Variants in VGLL4 observed in about 807,000 individuals in gnomAD.
VGLL4 encodes the protein transcription cofactor vestigial-like protein 4.
VGLL4 carries 7 observed loss-of-function variants against 21.0 expected under a neutral mutation model. That is an observed-to-expected ratio of 0.33 (90% CI 0.19 to 0.63). The LOEUF is 0.63. Ranked by LOEUF, VGLL4 falls within the 20% of genes least tolerant of loss-of-function variation. VGLL4 has a pLI of 0.78. For synonymous variants in VGLL4, 222 were observed against 173.2 expected (o/e 1.28, Z -2.21); for missense variants, 394 against 425.7 (o/e 0.93, Z 0.66).
chr3:11,651,228 A>G (rs1160096753), intron 2 of VGLL4, among the ~76,000 whole-genome samples: 2 of 151,862 alleles, frequency 1.3e-5, no homozygotes, highest in Non-Finnish European at 2.9e-5. Flanking sequence ...CTATAATCCC[A>G]GCTACTTGGG....
At chr3:11,566,294 AAAC>A (rs1300566430) in intron 2 of VGLL4, among the ~76,000 whole-genome samples, 31 of 152,218 alleles carry the variant, frequency 2.0e-4, no homozygotes, top group Non-Finnish European at 5.9e-5. Flanking sequence ...CAGTTGTAAG[AAAC>A]AACACACGGC....
At position 11,694,391 on chromosome 3, in the gene VGLL4, C is replaced by T. The variant is rs377575327; in HGVS notation, c.64+8580G>A. Among the ~76,000 whole-genome samples the T allele has an allele frequency of 1.2e-4, 19 of 152,212 alleles. No individual in the cohort carries two copies. In the South Asian group the frequency reaches 2.9e-3, roughly 23 times the overall value. On this transcript the variant is annotated intron_variant, in intron 2 of 5. Coordinates refer to the VGLL4 transcript ENST00000273038. ...ATCCCAGCACTTTGGGAGGCCAAGGCGGGTAGATCACTTGAGGTTAGGAGT... is the reference window on the plus strand; with the variant it reads ...ATCCCAGCACTTTGGGAGGCCAAGGTGGGTAGATCACTTGAGGTTAGGAGT...
upstream of VGLL4, among the ~76,000 whole-genome samples, chr3:11,644,827 C>T (rs1575489642): frequency 1.8e-5 from 2 of 113,770 alleles, no homozygotes; most frequent in Non-Finnish European, 3.3e-5. Flanking sequence ...GCCTGGGCAA[C>T]AGAGTGAGAC....
intron 2 of VGLL4, among the ~76,000 whole-genome samples, chr3:11,670,730 C>T (rs1040973587): frequency 6.6e-6 from 1 of 152,086 alleles, no homozygotes; most frequent in East Asian, 1.9e-4. Flanking sequence ...TTAATGGGCA[C>T]CTGCCACATA....
intron 3 of VGLL4, among the ~76,000 whole-genome samples, chr3:11,560,261 C>G (rs539131099): frequency 2.0e-5 from 3 of 152,312 alleles, no homozygotes; most frequent in Non-Finnish European, 4.4e-5. Flanking sequence ...ATGTCTGGCC[C>G]CCCAGCTTTG....
chr3:11,558,199 G>A lies in VGLL4; in HGVS notation c.*357C>T, dbSNP rs925808876. On this transcript the variant is annotated 3_prime_UTR_variant, in exon 5 of 5. Coordinates refer to ENST00000430365, the MANE Select transcript of VGLL4 (RefSeq NM_001128219.3). ...AGAAGCAAAGGAAAAAGCACAAAGC[G>A]TCTGAGTCACCAATTCATCATGGCT... 29 of 328,236 alleles carry A rather than the reference G, an allele frequency of 8.8e-5. No homozygotes were observed. The highest frequency in any genetic ancestry group is 1.6e-4 in the South Asian group (3 of 18,832). 20.3% of individuals were successfully genotyped at this position (328,236 alleles called of 1,614,324 possible). A position where few individuals can be genotyped will look rare whatever the true frequency, so the allele number is the denominator to read the frequency against.
intron 1 of VGLL4, among the ~76,000 whole-genome samples, chr3:11,622,417 CAAA>C (rs56790337): frequency 1.5e-3 from 228 of 148,792 alleles, no homozygotes; most frequent in Middle Eastern, 0.01. Flanking sequence ...ATGGTTTTTA[CAAA>C]AAAAAAAAAA....
chr3:11,666,262 AAAAG>A (rs1270713806), intron 2 of VGLL4, among the ~76,000 whole-genome samples: 2 of 151,898 alleles, frequency 1.3e-5, no homozygotes, highest in East Asian at 1.9e-4. Flanking sequence ...AAAAAAAAAA[AAAAG>A]AAAGTTCATT....
In VGLL4 at chr3:11,565,900, C is replaced by G. The variant is rs1346376276; in HGVS notation, c.273-881G>C. On this transcript the variant is annotated intron_variant, in intron 2 of 4. Coordinates refer to ENST00000430365, the MANE Select transcript of VGLL4 (RefSeq NM_001128219.3). The surrounding 1 kb of genome is among the most constrained non-coding windows in gnomAD (Gnocchi z 4.1). ...GCTTTATTCCAGGGGTCCCACAGTT[C>G]CATCTGCCTTGGGTCTTGCCCCTTC... is the stretch of plus-strand genomic sequence containing the variant. 6.6e-6 allele frequency among the ~76,000 whole-genome samples: 1 copy of G among 152,204 alleles called. No individual in the cohort carries two copies. The highest frequency in any genetic ancestry group is 2.4e-5 in the African/African-American group (1 of 41,458).
In VGLL4 at chr3:11,558,751, C is replaced by G. The variant is rs752590399; in HGVS notation, c.696G>C (p.Pro232=). ...SLGKNYKEPE[P]APNSVSITGS... ...CCGTGATGGACACGGAGTTGGGTGC[C>G]GGCTCGGGCTCCTTGTAATTCTTGC... Residue 232 remains proline (P), a synonymous_variant, in exon 5 of 5, where the codon CCG becomes CCC. Transcript: ENST00000430365. 6.2e-7 allele frequency: 1 copy of G among 1,614,178 alleles called. No individual in the cohort carries two copies. Among genetic ancestry groups the G allele is most frequent in the South Asian group, 1.1e-5 (1 of 91,086 alleles).
intron 1 of VGLL4, among the ~76,000 whole-genome samples, chr3:11,606,984 G>C (rs1377836595): frequency 6.6e-6 from 1 of 152,132 alleles, no homozygotes; most frequent in Non-Finnish European, 1.5e-5. Flanking sequence ...CCCACCAGAA[G>C]GAACCAACTC....
chr3:11,653,595 C>G lies in VGLL4; in HGVS notation c.64+49376G>C, dbSNP rs11712789. ...TATAAATAGTGCTGCTATGAATATT[C>G]TAGTGTGTGTCTCTTATCAGCCTCG... On this transcript the variant is annotated intron_variant, in intron 2 of 5. Coordinates refer to the VGLL4 transcript ENST00000273038. This position sits in a 1 kb window ranked among gnomAD's most constrained non-coding sequence, Gnocchi z 4.2. Among the ~76,000 whole-genome samples, 5,018 of 152,240 alleles carry G rather than the reference C, an allele frequency of 0.033. 121 individuals are homozygous for G. Among genetic ancestry groups the G allele is most frequent in the Non-Finnish European group, 0.049 (3,321 of 68,022 alleles).
intron 2 of VGLL4, among the ~76,000 whole-genome samples, chr3:11,582,643 T>C (rs1339899024): frequency 6.6e-6 from 1 of 152,206 alleles, no homozygotes; most frequent in Non-Finnish European, 1.5e-5. Context: ...TTCTCCATCT[T>C]CCATAACATA....
chr3:11,674,547 G>A (rs898320098), intron 2 of VGLL4, among the ~76,000 whole-genome samples: 3 of 152,286 alleles, frequency 2.0e-5, no homozygotes, highest in Non-Finnish European at 4.4e-5. Flanking sequence ...TCTCCCCACT[G>A]TCACACAGCT....
At chr3:11,586,769 T>G (rs1478019718) in intron 2 of VGLL4, among the ~76,000 whole-genome samples, 1 of 152,220 alleles carries the variant, frequency 6.6e-6, no homozygotes, top group Non-Finnish European at 1.5e-5. Context: ...CGGCTGTATA[T>G]GACAATCGCT....
intron 1 of VGLL4, among the ~76,000 whole-genome samples, chr3:11,716,243 A>C (rs2076917031): frequency 6.7e-6 from 1 of 149,772 alleles, no homozygotes; most frequent in African/African-American, 2.5e-5. Flanking sequence ...TGGAAGTTGC[A>C]GTGAGCTGAG....
rs1011913446 is a variant in VGLL4, at chr3:11,708,978, T to C, written c.-13-5931A>G. ...ACTCAGGAGGCTGAGGCAGAACTGC[T>C]TGAACCCGGGAGACGGGGGTTGCAG... On this transcript the variant is annotated intron_variant, in intron 1 of 5. Transcript: ENST00000273038. Among the ~76,000 whole-genome samples the C allele has an allele frequency of 4.0e-5, 6 of 151,330 alleles. 1 individual carries two copies. Among genetic ancestry groups the C allele is most frequent in the Non-Finnish European group, 8.8e-5 (6 of 67,836 alleles).
chr3:11,689,004 G>C (rs957482300), intron 2 of VGLL4, among the ~76,000 whole-genome samples: 10 of 151,872 alleles, frequency 6.6e-5, no homozygotes, highest in Admixed American at 5.9e-4. Flanking sequence ...CCTGGGGACT[G>C]AGTGAGACTC....
chr3:11,583,482 G>C (rs1409918429), intron 2 of VGLL4, among the ~76,000 whole-genome samples: 1 of 152,056 alleles, frequency 6.6e-6, no homozygotes, highest in Non-Finnish European at 1.5e-5. Context: ...GGAAACATCT[G>C]GTAAAATGGT....
Sources: gnomAD v4.1 joint callset for allele counts (sites outside exome capture counted in the v4.1 genomes callset) on GRCh38, gnomAD v4.1.1 for gene constraint, Gnocchi (gnomAD v3.1) non-coding constraint, MANE v1.5 for transcripts, NCBI Gene and HGNC (gene_info 2026-07-23, HGNC 2026-07-21) for gene names.